Variants in ADAMTSL1 observed in about 807,000 individuals in gnomAD.
ADAMTSL1 encodes ADAMTS like 1.
A neutral mutation model predicts 201.8 loss-of-function variants in ADAMTSL1; 126 were observed. The observed-to-expected ratio is 0.62, with a 90% confidence interval of 0.54 to 0.72. The LOEUF is 0.72. ADAMTSL1 is among the 30% of genes least tolerant of loss of function. The probability of loss-of-function intolerance (pLI) is 0.00; values close to 1 mark genes in which losing one functional copy is unlikely to be tolerated. For missense variants in ADAMTSL1, 2,679 were observed against 2,277.8 expected (o/e 1.18, Z -3.59); for synonymous variants, 1,121 against 903.4 (o/e 1.24, Z -4.32).
At chr9:18,606,058 C>T (rs1311325657) in intron 4 of ADAMTSL1, among the ~76,000 whole-genome samples, 1 of 152,096 alleles carries the variant, frequency 6.6e-6, no homozygotes, top group Non-Finnish European at 1.5e-5. Context: ...CAGGGCTTGG[C>T]GAGAAGGTCT....
intron 1 of ADAMTSL1, among the ~76,000 whole-genome samples, chr9:17,953,486 T>C (rs971429977): frequency 6.6e-6 from 1 of 152,208 alleles, no homozygotes; most frequent in Non-Finnish European, 1.5e-5. Context: ...CCTACAGATA[T>C]ATGTGTTCAC....
chr9:18,732,250 G>T (rs921360899), intron 15 of ADAMTSL1, among the ~76,000 whole-genome samples: 4 of 152,090 alleles, frequency 2.6e-5, no homozygotes, highest in Non-Finnish European at 5.9e-5. Context: ...ACTAGTATGG[G>T]GCAGGGTAAA....
intron 1 of ADAMTSL1, among the ~76,000 whole-genome samples, chr9:17,938,238 G>A (rs116273443): frequency 0.011 from 1,667 of 152,188 alleles, 26 homozygotes; most frequent in African/African-American, 0.039. Flanking sequence ...TGTCAGGGAG[G>A]CGTAACAGTC....
At chr9:18,440,743 C>T (rs1317132169) in intron 2 of ADAMTSL1, among the ~76,000 whole-genome samples, 1 of 151,724 alleles carries the variant, frequency 6.6e-6, no homozygotes, top group Non-Finnish European at 1.5e-5. Flanking sequence ...TTACTTTTTC[C>T]AGTAATTATT....
intron 1 of ADAMTSL1, among the ~76,000 whole-genome samples, chr9:18,500,021 C>T (rs1822750345): frequency 1.3e-5 from 2 of 152,282 alleles, no homozygotes; most frequent in African/African-American, 4.8e-5. Flanking sequence ...CTTCATCTTA[C>T]ATCTTTCATG....
intron 2 of ADAMTSL1, among the ~76,000 whole-genome samples, chr9:18,394,388 T>A (rs1410966890): frequency 6.6e-6 from 1 of 152,214 alleles, no homozygotes; most frequent in Non-Finnish European, 1.5e-5. Flanking sequence ...TCCATTTTTG[T>A]TTGTCAGATG....
In ADAMTSL1 at chr9:18,342,665, T is replaced by C. The variant is rs189204889; in HGVS notation, c.208-162164T>C. 8.5e-4 allele frequency among the ~76,000 whole-genome samples: 130 copies of C among 152,306 alleles called. No homozygotes were observed. In the Middle Eastern group the frequency reaches 0.01, roughly 12 times the overall value. On this transcript the variant is annotated intron_variant, in intron 2 of 29. Transcript: ENST00000680146. ...ATGAGGAGGTGGCCATCATGGCTAG[T>C]GCTGCCCAACGTTCCTCTTCCCGAT...
chr9:18,130,669 G>A (rs1287998065), intron 1 of ADAMTSL1, among the ~76,000 whole-genome samples: 1 of 152,184 alleles, frequency 6.6e-6, no homozygotes, highest in Non-Finnish European at 1.5e-5. Flanking sequence ...AGTATTTGGA[G>A]CATTTTAGGA....
chr9:18,359,815 A>C (rs979024015), intron 2 of ADAMTSL1, among the ~76,000 whole-genome samples: 2,612 of 45,646 alleles, frequency 0.057, no homozygotes, highest in Admixed American at 0.083. Context: ...TTAATGCCCC[A>C]CCTCCCCACC....
intron 1 of ADAMTSL1, among the ~76,000 whole-genome samples, chr9:18,111,364 T>G (rs1200708653): frequency 6.6e-6 from 1 of 152,224 alleles, no homozygotes; most frequent in Non-Finnish European, 1.5e-5. Context: ...ACTTAATGTC[T>G]AAAGCTTTAT....
intron 1 of ADAMTSL1, among the ~76,000 whole-genome samples, chr9:17,963,460 A>C (rs1339430719): frequency 6.6e-6 from 1 of 152,174 alleles, no homozygotes; most frequent in Non-Finnish European, 1.5e-5. Flanking sequence ...TTGTTAAAGT[A>C]ATAAAATTTG....
At chr9:18,328,721 C>T (rs564792080) in intron 2 of ADAMTSL1, among the ~76,000 whole-genome samples, 4 of 152,252 alleles carry the variant, frequency 2.6e-5, no homozygotes, top group African/African-American at 7.2e-5. Context: ...TAGATGAACA[C>T]GTGGATGAGG....
chr9:17,951,185 C>T (rs1405148886), intron 1 of ADAMTSL1, among the ~76,000 whole-genome samples: 1 of 152,086 alleles, frequency 6.6e-6, no homozygotes, highest in Non-Finnish European at 1.5e-5. Context: ...TCCCGGGGCA[C>T]AGGGCATCAT....
intron 7 of ADAMTSL1, among the ~76,000 whole-genome samples, chr9:18,641,499 T>G (rs1827434581): frequency 6.6e-6 from 1 of 152,060 alleles, no homozygotes; most frequent in African/African-American, 2.4e-5. Flanking sequence ...GCACTGAAAA[T>G]CACATCTCTT....
intron 3 of ADAMTSL1, among the ~76,000 whole-genome samples, chr9:18,564,130 G>A (rs993570945): frequency 5.3e-5 from 8 of 152,178 alleles, no homozygotes; most frequent in African/African-American, 1.9e-4. Context: ...GAAACCCTGG[G>A]CCCTGGTTGC....
intron 2 of ADAMTSL1, among the ~76,000 whole-genome samples, chr9:18,188,653 A>G (rs1462498681): frequency 6.6e-6 from 1 of 152,168 alleles, no homozygotes; most frequent in Admixed American, 6.5e-5. Flanking sequence ...AGCTACTTGA[A>G]TGGATTCTGG....
intron 16 of ADAMTSL1, 135 bp from the exon 17 acceptor site, chr9:18,770,467 C>T: frequency 3.3e-6 from 3 of 898,498 alleles, no homozygotes; most frequent in Non-Finnish European, 4.9e-6. Flanking sequence ...ATCCTTTGGG[C>T]CGATTCCTGG....
At chr9:18,037,866 G>T (rs529887598) in intron 1 of ADAMTSL1, among the ~76,000 whole-genome samples, 1 of 152,078 alleles carries the variant, frequency 6.6e-6, no homozygotes, top group South Asian at 2.1e-4. Context: ...CAAATGGTGC[G>T]CAATTAAAAT....
intron 15 of ADAMTSL1, among the ~76,000 whole-genome samples, chr9:18,740,755 G>A (rs1451365124): frequency 1.3e-5 from 2 of 152,076 alleles, no homozygotes; most frequent in African/African-American, 4.8e-5. Context: ...AGTATTACAG[G>A]TGTGAGTCAC....
Sources: gnomAD v4.1 joint callset for allele counts (sites outside exome capture counted in the v4.1 genomes callset) on GRCh38, gnomAD v4.1.1 for gene constraint, MANE v1.5 for transcripts, NCBI Gene and HGNC (gene_info 2026-07-23, HGNC 2026-07-21) for gene names.